Variants in ASIC2 observed in about 807,000 individuals in gnomAD.
ASIC2 encodes acid-sensing ion channel 2.
ASIC2 carries 25 observed loss-of-function variants against 57.3 expected under a neutral mutation model. The ratio of observed to expected loss-of-function variants is 0.44; its 90% CI spans 0.32 to 0.61. The LOEUF (loss-of-function observed/expected upper bound fraction) is 0.61. Among genes scored for constraint, ASIC2 ranks in the 20% least tolerant of loss-of-function variants. The pLI, the probability that ASIC2 is intolerant of heterozygous loss-of-function variation, is 0.06. For synonymous variants in ASIC2, 319 were observed against 307.5 expected, an observed-to-expected ratio of 1.04 and a Z score of -0.39; for missense variants, 641 against 738.1, an observed-to-expected ratio of 0.87 and a Z score of 1.52.
At chr17:33,619,676 C>T (rs554414783) in intron 1 of ASIC2, among the ~76,000 whole-genome samples, 23 of 152,216 alleles carry the variant, frequency 1.5e-4, no homozygotes, top group African/African-American at 4.8e-4. Context: ...CATCTCTTGC[C>T]GCACAGAGCG....
chr17:33,431,919 G>A (rs1911435081), intron 1 of ASIC2, among the ~76,000 whole-genome samples: 2 of 152,056 alleles, frequency 1.3e-5, no homozygotes, highest in Admixed American at 1.3e-4. Context: ...CAAAATAACT[G>A]AAAAGACATT....
chr17:33,220,999 G>C (rs2142097449), intron 1 of ASIC2, among the ~76,000 whole-genome samples: 1 of 152,292 alleles, frequency 6.6e-6, no homozygotes, highest in African/African-American at 2.4e-5. Context: ...TTGAGCCCAG[G>C]AGGAAAAGTT....
chr17:33,869,050 G>A (rs117519689), intron 1 of ASIC2, among the ~76,000 whole-genome samples: 3 of 152,174 alleles, frequency 2.0e-5, no homozygotes, highest in Admixed American at 6.5e-5. Flanking sequence ...GGGCAACAGA[G>A]TGAGACTCTG....
chr17:33,327,218 T>TC (rs1453123498), intron 1 of ASIC2, among the ~76,000 whole-genome samples: 2 of 152,176 alleles, frequency 1.3e-5, no homozygotes, highest in Non-Finnish European at 2.9e-5. Flanking sequence ...CCAATTATCT[T>TC]CCCATTTCTT....
At chr17:34,035,948 G>C (rs1907857741) in intron 1 of ASIC2, among the ~76,000 whole-genome samples, 1 of 151,738 alleles carries the variant, frequency 6.6e-6, no homozygotes, top group South Asian at 2.1e-4. Context: ...CTGTAAACTA[G>C]TTCAACCATT....
At chr17:33,833,179 G>A (rs1037591371) in intron 1 of ASIC2, among the ~76,000 whole-genome samples, 10 of 152,152 alleles carry the variant, frequency 6.6e-5, no homozygotes, top group Non-Finnish European at 1.5e-4. Context: ...TTTCTTTGAT[G>A]GAGGTGGTTT....
rs1416207695 is a variant in ASIC2, at chr17:33,799,411, CT to C, written c.555+356566del. On this transcript the variant is annotated intron_variant, in intron 1 of 9. Coordinates refer to the ASIC2 transcript ENST00000359872. The stretch of plus-strand genomic sequence containing the variant: ...CTTTCTTTCTTTCTTTCTTTTCTTT[CT>C]TTCTTTCTTTCTTTCTTCTTTCTTT... Among the ~76,000 whole-genome samples, 195 of 61,112 alleles carry C rather than the reference CT, an allele frequency of 3.2e-3. 1 individual carries two copies. Among genetic ancestry groups the C allele is most frequent in the Non-Finnish European group, 4.8e-3 (138 of 28,944 alleles). The allele number at this position is 61,112 out of a possible 152,430, so 40.1% of individuals were successfully genotyped here.
At chr17:33,117,132 G>A (rs1292341396) in intron 1 of ASIC2, among the ~76,000 whole-genome samples, 1 of 151,880 alleles carries the variant, frequency 6.6e-6, no homozygotes, top group East Asian at 1.9e-4. Flanking sequence ...GGGATTACAG[G>A]CATGAGCCAC....
At chr17:33,251,626 C>T (rs935573700) in intron 1 of ASIC2, among the ~76,000 whole-genome samples, 2 of 152,166 alleles carry the variant, frequency 1.3e-5, no homozygotes, top group African/African-American at 4.8e-5. Flanking sequence ...CCACACTGGC[C>T]TCAGGTACCA....
intron 1 of ASIC2, among the ~76,000 whole-genome samples, chr17:33,341,200 A>G (rs947575799): frequency 4.0e-4 from 61 of 152,264 alleles, no homozygotes; most frequent in African/African-American, 1.3e-3. Context: ...CCCAGACCCC[A>G]TCTCCAAGAT....
At chr17:33,933,483 T>A (rs914471567) in intron 1 of ASIC2, among the ~76,000 whole-genome samples, 2 of 152,144 alleles carry the variant, frequency 1.3e-5, no homozygotes, top group South Asian at 4.1e-4. Context: ...ATTTTTCAAA[T>A]GAATAAGCTC....
At chr17:33,949,111 A>T (rs894871979) in intron 1 of ASIC2, among the ~76,000 whole-genome samples, 2 of 152,056 alleles carry the variant, frequency 1.3e-5, no homozygotes, top group East Asian at 3.9e-4. Flanking sequence ...TCAACTATTT[A>T]AAAATGTAAA....
chr17:33,971,509 TC>T (rs1288241898), intron 1 of ASIC2, among the ~76,000 whole-genome samples: 1 of 152,078 alleles, frequency 6.6e-6, no homozygotes, highest in Non-Finnish European at 1.5e-5. Context: ...GTCCCTGCCC[TC>T]CCATTCATGC....
intron 1 of ASIC2, among the ~76,000 whole-genome samples, chr17:33,598,664 G>C (rs573266622): frequency 4.4e-4 from 67 of 152,248 alleles, no homozygotes; most frequent in Middle Eastern, 6.8e-3. Context: ...CTTCCCAGCT[G>C]GGTCATGGAC....
chr17:33,295,245 T>A (rs778129728), upstream of ASIC2, among the ~76,000 whole-genome samples: 1 of 152,222 alleles, frequency 6.6e-6, no homozygotes, highest in African/African-American at 2.4e-5. Flanking sequence ...ATTCTCCAGA[T>A]GGTAGCTCTT....
chr17:33,484,350 A>T (rs1045266920), intron 1 of ASIC2, among the ~76,000 whole-genome samples: 1 of 152,202 alleles, frequency 6.6e-6, no homozygotes, highest in African/African-American at 2.4e-5. Context: ...CCCATTTAAG[A>T]CATTTCTATG....
intron 1 of ASIC2, among the ~76,000 whole-genome samples, chr17:33,725,830 G>T (rs752315901): frequency 8.2e-4 from 125 of 151,662 alleles, no homozygotes; most frequent in Non-Finnish European, 1.5e-3. Context: ...GTCTCTTGTG[G>T]CTCACAAACC....
chr17:33,987,491 G>T (rs1905858738), intron 1 of ASIC2, among the ~76,000 whole-genome samples: 1 of 152,178 alleles, frequency 6.6e-6, no homozygotes, highest in South Asian at 2.1e-4. Flanking sequence ...GAAGGCACTT[G>T]GAGACCGTCA....
intron 1 of ASIC2, among the ~76,000 whole-genome samples, chr17:33,495,470 C>A (rs764068785): frequency 2.0e-5 from 3 of 152,192 alleles, no homozygotes; most frequent in Admixed American, 6.5e-5. Flanking sequence ...TCCTCTTTGA[C>A]TTTATTTTTC....
Sources: gnomAD v4.1 joint callset for allele counts (sites outside exome capture counted in the v4.1 genomes callset) on GRCh38, gnomAD v4.1.1 for gene constraint, MANE v1.5 for transcripts, NCBI Gene and HGNC (gene_info 2026-07-23, HGNC 2026-07-21) for gene names.